The following PDZD2 variants were observed in gnomAD, a reference collection of about 807,000 sequenced individuals.
PDZD2 encodes PDZ domain-containing protein 2.
A neutral mutation model predicts 220.7 loss-of-function variants in PDZD2; 90 were observed. The ratio of observed to expected loss-of-function variants is 0.41; its 90% CI spans 0.34 to 0.49. PDZD2 has a LOEUF of 0.49. Ranked by LOEUF, PDZD2 falls within the 20% of genes least tolerant of loss-of-function variation. The pLI, the probability that PDZD2 is intolerant of heterozygous loss-of-function variation, is 0.28. For missense variants in PDZD2, 3,174 were observed against 3,608.5 expected, an observed-to-expected ratio of 0.88 and a Z score of 3.08; for synonymous variants, 1,375 against 1,450.5, an observed-to-expected ratio of 0.95 and a Z score of 1.18.
rs139187488 is a variant in PDZD2, at chr5:31,659,175, G to C, written c.-361+19738G>C. Among the ~76,000 whole-genome samples, 94 of 152,014 alleles carry C rather than the reference G, an allele frequency of 6.2e-4. 1 individual carries two copies. The highest frequency in any genetic ancestry group is 2.1e-3 in the African/African-American group (89 of 41,446). On this transcript the variant is annotated intron_variant, in intron 1 of 24. Coordinates refer to ENST00000438447, the MANE Select transcript of PDZD2 (RefSeq NM_178140.4). Reference sequence around the variant, plus strand: ...AATAATACTTAATCTCAGTCTCTCTGAGCTCCTCTCCATGGAGCCCTTTAA... The same window carrying C: ...AATAATACTTAATCTCAGTCTCTCTCAGCTCCTCTCCATGGAGCCCTTTAA...
chr5:31,756,711 C>T (rs1030173892), intron 1 of PDZD2, among the ~76,000 whole-genome samples: 3 of 152,176 alleles, frequency 2.0e-5, no homozygotes, highest in African/African-American at 7.2e-5. Flanking sequence ...ATGGTCTGGG[C>T]GACACTGTGC....
In PDZD2 at chr5:32,073,943, C is replaced by T. The variant is rs762392904; in HGVS notation, c.2837C>T (p.Pro946Leu). The T allele has an allele frequency of 8.7e-6, 14 of 1,614,092 alleles. No individual in the cohort carries two copies. In the South Asian group the frequency reaches 1.5e-4, roughly 18 times the overall value. ...ACAGTTGCCAGACAAGCCAGTCTCC[C>T]CGGAAGCCCACAGGCCCTCCGAAAC... ...QVTVARQASLPGSPQALRNPL... is the reference protein window; with the variant it reads ...QVTVARQASLLGSPQALRNPL... The change falls in exon 18 of 25, where the codon CCC becomes CTC. Residue 946 changes from proline to leucine, a missense_variant. Transcript: ENST00000438447.
At position 31,688,998 on chromosome 5, in the gene PDZD2, G is replaced by A. The variant is rs1030793626; in HGVS notation, c.-361+49561G>A. 2.6e-5 allele frequency among the ~76,000 whole-genome samples: 4 copies of A among 152,164 alleles called. No individual in the cohort carries two copies. In the South Asian group the frequency reaches 6.2e-4, roughly 24 times the overall value. On this transcript the variant is annotated intron_variant, in intron 1 of 24. Transcript: ENST00000438447. Reference sequence around the variant, plus strand: ...AATGGCCTAGCATCTGTGGGATTCAGGATGGACTTGTCCAGACCCTATTTC... The same window carrying A: ...AATGGCCTAGCATCTGTGGGATTCAAGATGGACTTGTCCAGACCCTATTTC...
chr5:32,069,639 C>T lies in PDZD2; in HGVS notation c.2522C>T (p.Ser841Phe), dbSNP rs369947165. The change falls in exon 15 of 25, where the codon TCT (serine) becomes TTT (phenylalanine). Residue 841 changes from serine (S) to phenylalanine (F), a missense_variant. Ser to Phe is a radical substitution (Grantham distance 155). Coordinates refer to ENST00000438447, the MANE Select transcript of PDZD2 (RefSeq NM_178140.4). Reference protein sequence around the residue: ...TYQESKEANSSPGLGTPLKSP... With the variant: ...TYQESKEANSFPGLGTPLKSP... Reference sequence around the variant, plus strand: ...CAGGAGAGCAAAGAGGCCAATTCCTCTCCTGGCTTAGGTACTGTAATCTCA... The same window carrying T: ...CAGGAGAGCAAAGAGGCCAATTCCTTTCCTGGCTTAGGTACTGTAATCTCA... The T allele has an allele frequency of 4.4e-5, 67 of 1,528,464 alleles. No homozygotes were observed. The highest frequency in any genetic ancestry group is 5.4e-5 in the Non-Finnish European group (60 of 1,101,760). The allele number at this position is 1,528,464 out of a possible 1,614,324, so 94.7% of individuals were successfully genotyped here. A position where few individuals can be genotyped will look rare whatever the true frequency, so the allele number is the denominator to read the frequency against.
intron 1 of PDZD2, among the ~76,000 whole-genome samples, chr5:31,782,839 G>A (rs749266337): frequency 1.2e-4 from 17 of 146,706 alleles, no homozygotes; most frequent in Non-Finnish European, 1.8e-4. Flanking sequence ...TCAGCCTCCC[G>A]AGTAGCTGTG....
chr5:32,040,902 T>C (rs1756062046), intron 7 of PDZD2, among the ~76,000 whole-genome samples: 2 of 127,182 alleles, frequency 1.6e-5, no homozygotes, highest in Admixed American at 8.1e-5. Flanking sequence ...GGCCGCCCTG[T>C]CTGGGATGTG....
chr5:31,659,296 T>C (rs1293406280), intron 1 of PDZD2, among the ~76,000 whole-genome samples: 1 of 152,116 alleles, frequency 6.6e-6, no homozygotes, highest in Non-Finnish European at 1.5e-5. Flanking sequence ...CTCTGGCAAT[T>C]TGAGCCACAT....
In PDZD2 at chr5:32,052,612, A is replaced by T. The variant is rs1432259186; in HGVS notation, c.1667A>T (p.Glu556Val). The change falls in exon 9 of 25, where the codon GAA becomes GTA. Residue 556 changes from glutamate (E) to valine (V), a missense_variant and splice_region_variant. Coordinates refer to ENST00000438447, the MANE Select transcript of PDZD2 (RefSeq NM_178140.4). ...QLLDSSSASQ[E>V]YHIVKKSTRS... ...ACCTTGCCGTGTGCTGACTTTTAGG[A>T]ATACCACATTGTGAAGAAGTCTACC... is the stretch of plus-strand genomic sequence containing the variant. The T allele has an allele frequency of 6.2e-7, 1 of 1,613,850 alleles. No homozygotes were observed. Among genetic ancestry groups the T allele is most frequent in the Non-Finnish European group, 8.5e-7 (1 of 1,179,732 alleles).
At chr5:31,792,830 TA>T (rs1388281291) in intron 1 of PDZD2, among the ~76,000 whole-genome samples, 3 of 151,554 alleles carry the variant, frequency 2.0e-5, no homozygotes, top group African/African-American at 7.3e-5. Context: ...TTATTTAATT[TA>T]ATTTTATTAT....
At chr5:31,665,451 G>C (rs1246735639) in intron 1 of PDZD2, among the ~76,000 whole-genome samples, 2 of 152,088 alleles carry the variant, frequency 1.3e-5, no homozygotes, top group African/African-American at 4.8e-5. Context: ...TATTTATTGG[G>C]GTTTGAAAGC....
Position 31,849,953 on chromosome 5 carries a change from T to TATATATATACACATATATATATATAC in PDZD2, c.476+50239_476+50264dup, listed in dbSNP as rs1757874266. Among the ~76,000 whole-genome samples, 3 of 22,134 alleles carry TATATATATACACATATATATATATAC rather than the reference T, an allele frequency of 1.4e-4. 1 individual carries two copies. The highest frequency in any genetic ancestry group is 2.1e-4 in the Non-Finnish European group (3 of 14,072). 14.5% of individuals were successfully genotyped at this position (22,134 alleles called of 152,430 possible). ...ATATACACATATATATATATACATA[T>TATATATATACACATATATATATATAC]ATATATATACACATATATATATATA... On this transcript the variant is annotated intron_variant, in intron 2 of 24. Transcript: ENST00000438447.
rs768189783 is a variant in PDZD2, at chr5:32,087,183, T to C, written c.3735T>C (p.Ala1245=). 1.2e-6 allele frequency: 2 copies of C among 1,613,840 alleles called. No homozygotes were observed. Among genetic ancestry groups the C allele is most frequent in the South Asian group, 2.2e-5 (2 of 91,062 alleles). ...LISSPGKKGA[A]HPDPSKTSVD... ...CTTCCCCAGGGAAGAAGGGGGCCGC[T>C]CATCCTGACCCCAGCAAGACCTCTG... The change falls in exon 20 of 25, where the codon GCT becomes GCC. Residue 1245 remains alanine (A), a synonymous_variant. Coordinates refer to ENST00000438447, the MANE Select transcript of PDZD2 (RefSeq NM_178140.4). The surrounding 1 kb of genome is among the most constrained non-coding windows in gnomAD (Gnocchi z 4.0).
Position 31,684,872 on chromosome 5 carries a change from C to T in PDZD2, c.-361+45435C>T, listed in dbSNP as rs564752131. 2.1e-4 allele frequency among the ~76,000 whole-genome samples: 32 copies of T among 152,294 alleles called. No homozygotes were observed. In the South Asian group the frequency reaches 2.9e-3, roughly 14 times the overall value. On this transcript the variant is annotated intron_variant, in intron 1 of 24. Transcript: ENST00000438447. ...TTTAGGTCTCAACTCATGTCACCCCCGTTGCCCTTTATCTCATTGTCTTGC... is the reference window on the plus strand; with the variant it reads ...TTTAGGTCTCAACTCATGTCACCCCTGTTGCCCTTTATCTCATTGTCTTGC...
rs1485337103 is a variant in PDZD2 at position 32,090,575 on chromosome 5, G to C, written c.7127G>C (p.Ser2376Thr). The C allele has an allele frequency of 6.2e-7, 1 of 1,613,918 alleles. No individual in the cohort carries two copies. Among genetic ancestry groups the C allele is most frequent in the African/African-American group, 1.3e-5 (1 of 74,924 alleles). ...CCCATTGGGAGGCGGTCTTCCGGCAGCATTGTTTCCGGGAGCCTGGGCCAC... is the reference window on the plus strand; with the variant it reads ...CCCATTGGGAGGCGGTCTTCCGGCACCATTGTTTCCGGGAGCCTGGGCCAC... ...KPPIGRRSSG[S>T]IVSGSLGHPG... is the part of the protein sequence containing the mutation. The change falls in exon 20 of 25, where the codon AGC becomes ACC. Residue 2376 changes from serine to threonine, a missense_variant. Ser to Thr is a moderately conservative substitution (Grantham distance 58, BLOSUM62 1). Transcript: ENST00000438447. The surrounding 1 kb of genome is among the most constrained non-coding windows in gnomAD (Gnocchi z 4.3).
At chr5:32,065,098 G>A (rs886599010) in intron 14 of PDZD2, among the ~76,000 whole-genome samples, 3 of 152,206 alleles carry the variant, frequency 2.0e-5, no homozygotes, top group East Asian at 1.9e-4. Context: ...TCAGGAGTTC[G>A]AGACCAGCCT....
chr5:31,878,289 AG>A (rs1398753666), intron 2 of PDZD2, among the ~76,000 whole-genome samples: 4 of 152,056 alleles, frequency 2.6e-5, no homozygotes, highest in East Asian at 3.9e-4. Context: ...TGCCTTCCCC[AG>A]GGGCTTTTTT....
At chr5:32,037,191 G>A (rs1755626101) in intron 6 of PDZD2, 40 bp from the exon 7 acceptor site, 1 of 1,292,092 alleles carries the variant, frequency 7.7e-7, no homozygotes, top group Non-Finnish European at 1.1e-6. Context: ...TCATCGCAGG[G>A]CTGGGCTCTC....
At chr5:32,079,385 G>A (rs1248648787) in intron 19 of PDZD2, among the ~76,000 whole-genome samples, 3 of 152,130 alleles carry the variant, frequency 2.0e-5, no homozygotes, top group East Asian at 1.9e-4. Flanking sequence ...GAGCTCTGTG[G>A]GAGTCCCGGC....
chr5:31,820,765 C>T (rs1197847789), intron 2 of PDZD2: 2 of 152,088 alleles, frequency 1.3e-5, no homozygotes, highest in East Asian at 1.9e-4. Context: ...CCAAATTACA[C>T]CCCTACCAAT....
Sources: allele counts gnomAD v4.1 joint callset (sites outside exome capture counted in the v4.1 genomes callset), GRCh38; gene constraint gnomAD v4.1.1; non-coding constraint Gnocchi (gnomAD v3.1); transcripts MANE v1.5; gene names NCBI Gene and HGNC (gene_info 2026-07-23, HGNC 2026-07-21).